Variants in HLCS observed in about 807,000 individuals in gnomAD.
The protein encoded by HLCS is holocarboxylase synthetase.
A neutral mutation model predicts 75.0 loss-of-function variants in HLCS; 53 were observed. The observed-to-expected ratio is 0.71, with a 90% confidence interval of 0.57 to 0.89. The LOEUF is 0.89. HLCS is among the 40% of genes least tolerant of loss of function. The pLI, the probability that HLCS is intolerant of heterozygous loss-of-function variation, is 0.00. For synonymous variants in HLCS, 431 were observed against 428.6 expected (o/e 1.01, Z -0.07); for missense variants, 966 against 1,074.0 (o/e 0.90, Z 1.41).
At chr21:36,756,253 A>T (rs942327563) in intron 10 of HLCS, among the ~76,000 whole-genome samples, 6 of 151,748 alleles carry the variant, frequency 4.0e-5, no homozygotes, top group East Asian at 3.9e-4. Context: ...CCTGGCTAAC[A>T]CGGTGAAACC....
At chr21:36,760,338 C>T (rs1032457763) in intron 8 of HLCS, among the ~76,000 whole-genome samples, 21 of 152,106 alleles carry the variant, frequency 1.4e-4, no homozygotes, top group African/African-American at 3.9e-4. Flanking sequence ...TGGCCAGGCG[C>T]GCTGGCTCAC....
intron 5 of HLCS, among the ~76,000 whole-genome samples, chr21:36,916,397 A>G (rs2065931235): frequency 6.6e-6 from 1 of 151,834 alleles, no homozygotes; most frequent in Non-Finnish European, 1.5e-5. Context: ...CTTGCTCAAC[A>G]TGTTCCTCAG....
Position 36,750,132 on chromosome 21 carries a change from A to G in HLCS, c.*4114T>C, listed in dbSNP as rs2089321370. Among the ~76,000 whole-genome samples the G allele has an allele frequency of 1.3e-5, 2 of 152,256 alleles. No homozygotes were observed. Among genetic ancestry groups the G allele is most frequent in the Non-Finnish European group, 2.9e-5 (2 of 68,046 alleles). On this transcript the variant is annotated 3_prime_UTR_variant, in exon 11 of 11. Transcript: ENST00000674895. ...GTGACCTCCATCTTGAAGAGTCTGC[A>G]CATTTAAGCTGGGGATAGCGTTTCT... is the stretch of plus-strand genomic sequence containing the variant.
chr21:36,956,798 C>T (rs2067985335), intron 2 of HLCS, among the ~76,000 whole-genome samples: 1 of 152,070 alleles, frequency 6.6e-6, no homozygotes, highest in South Asian at 2.1e-4. Context: ...ATGGCTGTAT[C>T]ACAGCACTTC....
intron 5 of HLCS, among the ~76,000 whole-genome samples, chr21:36,929,022 C>T (rs555195242): frequency 2.0e-5 from 3 of 152,326 alleles, no homozygotes; most frequent in African/African-American, 7.2e-5. Flanking sequence ...TAAGCAGACA[C>T]ATGATACAAA....
chr21:36,831,846 A>G (rs752687532), intron 6 of HLCS, among the ~76,000 whole-genome samples: 1 of 152,156 alleles, frequency 6.6e-6, no homozygotes, highest in Non-Finnish European at 1.5e-5. Context: ...CCTATATTTC[A>G]GTTTCAGAAC....
chr21:36,875,062 G>T (rs1014227770), intron 6 of HLCS, among the ~76,000 whole-genome samples: 1 of 152,156 alleles, frequency 6.6e-6, no homozygotes, highest in Non-Finnish European at 1.5e-5. Flanking sequence ...GCCCCCTCTA[G>T]ACTTTGGTCA....
intron 1 of HLCS, among the ~76,000 whole-genome samples, chr21:36,972,936 G>A (rs2068830232): frequency 6.6e-6 from 1 of 152,142 alleles, no homozygotes; most frequent in African/African-American, 2.4e-5. Context: ...GGACTTGGGG[G>A]CAGACACAGT....
At chr21:36,838,628 C>T (rs1601461503) in intron 6 of HLCS, among the ~76,000 whole-genome samples, 1 of 151,372 alleles carries the variant, frequency 6.6e-6, no homozygotes, top group African/African-American at 2.4e-5. Context: ...GACGTGAACC[C>T]GGGAGGCAGA....
chr21:36,951,996 T>G (rs2835547), intron 2 of HLCS, among the ~76,000 whole-genome samples: 85,429 of 152,026 alleles, frequency 0.56, 24,262 homozygotes, highest in East Asian at 0.64. Flanking sequence ...TCTGTAGAAT[T>G]ACCACAGATC....
chr21:36,907,260 A>G (rs901134566), intron 5 of HLCS, among the ~76,000 whole-genome samples: 2 of 152,226 alleles, frequency 1.3e-5, no homozygotes, highest in African/African-American at 4.8e-5. Context: ...GGGTAGGTAA[A>G]GTTTTTTTCA....
intron 6 of HLCS, among the ~76,000 whole-genome samples, chr21:36,882,405 G>A (rs939483128): frequency 1.3e-5 from 2 of 152,036 alleles, no homozygotes; most frequent in African/African-American, 4.8e-5. Context: ...TGGCAGGCAA[G>A]AAAGTTACAG....
At position 36,750,439 on chromosome 21, in the gene HLCS, G is replaced by A. The variant is rs1052912871; in HGVS notation, c.*3807C>T. ...CAGTGGGCTGGGTGTGGAGGGCAGC[G>A]CGGAGGGTATCTGCAAGAGCCTGTA... On this transcript the variant is annotated 3_prime_UTR_variant, in exon 11 of 11. Coordinates refer to ENST00000674895, the MANE Select transcript of HLCS (RefSeq NM_001352514.2). Among the ~76,000 whole-genome samples, 2 of 152,192 alleles carry A rather than the reference G, an allele frequency of 1.3e-5. No homozygotes were observed. Among genetic ancestry groups the A allele is most frequent in the Non-Finnish European group, 2.9e-5 (2 of 68,034 alleles).
intron 5 of HLCS, among the ~76,000 whole-genome samples, chr21:36,929,328 A>G (rs1200196192): frequency 6.6e-6 from 1 of 152,218 alleles, no homozygotes; most frequent in Admixed American, 6.5e-5. Flanking sequence ...CCCCAGGAAA[A>G]GGCGACAGAG....
At chr21:36,939,527 A>G (rs1299027392) in intron 2 of HLCS, among the ~76,000 whole-genome samples, 1 of 152,134 alleles carries the variant, frequency 6.6e-6, no homozygotes, top group East Asian at 1.9e-4. Context: ...GATTTAAAAC[A>G]TGCTTCCCCT....
At chr21:36,921,769 T>A (rs2066178553) in intron 5 of HLCS, among the ~76,000 whole-genome samples, 1 of 152,134 alleles carries the variant, frequency 6.6e-6, no homozygotes, top group South Asian at 2.1e-4. Context: ...CAGACACACA[T>A]GCCAGAGACC....
chr21:36,967,317 TG>T (rs887427002), upstream of HLCS, among the ~76,000 whole-genome samples: 13 of 152,276 alleles, frequency 8.5e-5, no homozygotes, highest in African/African-American at 2.4e-4. Context: ...GATGCAATAA[TG>T]TTTTTTTAAA....
intron 6 of HLCS, among the ~76,000 whole-genome samples, chr21:36,784,613 GC>G (rs1361781588): frequency 6.6e-6 from 1 of 152,092 alleles, no homozygotes; most frequent in East Asian, 1.9e-4. Flanking sequence ...ACCATGCCCG[GC>G]CGGCCAGCCT....
At chr21:36,830,857 G>C (rs1319955017) in intron 6 of HLCS, among the ~76,000 whole-genome samples, 1 of 149,516 alleles carries the variant, frequency 6.7e-6, no homozygotes, top group Non-Finnish European at 1.5e-5. Context: ...GGTAGACACA[G>C]GTGATCCCTA....
Sources: gnomAD v4.1 joint callset for allele counts (sites outside exome capture counted in the v4.1 genomes callset) on GRCh38, gnomAD v4.1.1 for gene constraint, MANE v1.5 for transcripts, NCBI Gene and HGNC (gene_info 2026-07-23, HGNC 2026-07-21) for gene names.